PTPRJ: variants seen among roughly 807,000 people sequenced by gnomAD.
PTPRJ encodes the protein protein tyrosine phosphatase receptor type J.
In PTPRJ, 129 loss-of-function variants were observed where a neutral mutation model predicts 141.3. The observed-to-expected ratio is 0.91, with a 90% confidence interval of 0.79 to 1.06. The LOEUF (loss-of-function observed/expected upper bound fraction) is 1.06. Ranked by LOEUF, PTPRJ falls within the 50% of genes least tolerant of loss-of-function variation. The pLI is 0.00. For synonymous variants in PTPRJ, 610 were observed against 640.5 expected (o/e 0.95, Z 0.72); for missense variants, 1,601 against 1,679.7 (o/e 0.95, Z 0.82).
intron 6 of PTPRJ, 104 bp downstream of exon 6, chr11:48,125,290 T>G: frequency 7.6e-7 from 1 of 1,317,044 alleles, no homozygotes; most frequent in Non-Finnish European, 1.1e-6. Flanking sequence ...CAGCTAGTTT[T>G]GATGTCAGAG....
chr11:48,131,489 T>G, intron 8 of PTPRJ: 1 of 775,078 alleles, frequency 1.3e-6, no homozygotes, highest in African/African-American at 1.7e-5. Flanking sequence ...TATTCTTTCC[T>G]CTTAATAAAA....
intron 15 of PTPRJ, among the ~76,000 whole-genome samples, chr11:48,148,920 T>TG (rs546146095): frequency 5.3e-4 from 81 of 152,358 alleles, no homozygotes; most frequent in Admixed American, 1.0e-3. Flanking sequence ...AGGCAAGTGC[T>TG]GGGTCAGTGG....
chr11:48,157,284 C>T (rs1857636768), intron 21 of PTPRJ, among the ~76,000 whole-genome samples: 1 of 152,106 alleles, frequency 6.6e-6, no homozygotes, highest in African/African-American at 2.4e-5. Context: ...CCGCCCCTGG[C>T]CAATATTTTT....
intron 8 of PTPRJ, chr11:48,132,272 G>A: frequency 1.0e-6 from 1 of 984,988 alleles, no homozygotes; most frequent in African/African-American, 1.7e-5. Context: ...ACGGTGGCCT[G>A]CACCCATCGT....
At chr11:47,987,263 C>A (rs1854075995) in intron 1 of PTPRJ, among the ~76,000 whole-genome samples, 1 of 151,764 alleles carries the variant, frequency 6.6e-6, no homozygotes, top group Admixed American at 6.6e-5. Context: ...TAAAGAAAGA[C>A]CCCCAAAAGT....
At chr11:47,996,325 A>C (rs1854334932) in intron 1 of PTPRJ, among the ~76,000 whole-genome samples, 1 of 135,020 alleles carries the variant, frequency 7.4e-6, no homozygotes, top group African/African-American at 2.9e-5. Context: ...ACAGAGCGAG[A>C]CTCTGTCTCA....
Position 48,139,770 on chromosome 11 carries a change from A to G in PTPRJ, c.2437A>G (p.Ile813Val), listed in dbSNP as rs1857190750. ...APTRNTCTTG[I>V]TDPPPPDGSP... ...CACCCGGAACACCTGCACTACTGGCATCACAGGTGGGCTACAAGGCAGGGG... is the reference window on the plus strand; with the variant it reads ...CACCCGGAACACCTGCACTACTGGCGTCACAGGTGGGCTACAAGGCAGGGG... The change falls in exon 11 of 25, where the codon ATC becomes GTC. Residue 813 changes from isoleucine (I) to valine (V), a missense_variant. By Grantham distance (29) the Ile-to-Val change is conservative. Coordinates refer to ENST00000418331, the MANE Select transcript of PTPRJ (RefSeq NM_002843.4). 1 of 1,613,722 alleles carries G rather than the reference A, an allele frequency of 6.2e-7. No individual in the cohort carries two copies. The highest frequency in any genetic ancestry group is 1.7e-5 in the Admixed American group (1 of 60,006).
At chr11:48,005,218 T>C (rs1854591973) in intron 1 of PTPRJ, among the ~76,000 whole-genome samples, 1 of 150,922 alleles carries the variant, frequency 6.6e-6, no homozygotes, top group South Asian at 2.1e-4. Flanking sequence ...TGAGACTCTA[T>C]CTTAAAAAAA....
At position 48,168,556 on chromosome 11, in the gene PTPRJ, A is replaced by G. The variant is rs1340664323; in HGVS notation, c.*1194A>G. 1.7e-5 allele frequency: 2 copies of G among 116,166 alleles called. No homozygotes were observed. The highest frequency in any genetic ancestry group is 3.4e-5 in the African/African-American group (1 of 29,766). The allele number at this position is 116,166 out of a possible 1,614,324, so 7.2% of individuals were successfully genotyped here. Reference sequence around the variant, plus strand: ...TGTGTATATATATATATATATATATATATATATATATATATATATATATAT... The same window carrying G: ...TGTGTATATATATATATATATATATGTATATATATATATATATATATATAT... On this transcript the variant is annotated 3_prime_UTR_variant, in exon 25 of 25. Transcript: ENST00000418331.
chr11:48,004,054 T>C (rs1030299885), intron 1 of PTPRJ, among the ~76,000 whole-genome samples: 2 of 152,364 alleles, frequency 1.3e-5, no homozygotes. Flanking sequence ...AGCCTAGTTG[T>C]ATGCAACCTG....
intron 1 of PTPRJ, among the ~76,000 whole-genome samples, chr11:48,103,564 G>A (rs1013907004): frequency 6.6e-6 from 1 of 152,002 alleles, no homozygotes; most frequent in Non-Finnish European, 1.5e-5. Flanking sequence ...TTTAAAATTC[G>A]CTGGAAACTA....
rs572627125 is a variant in PTPRJ, at chr11:48,056,261, C to T, written c.97-53797C>T. On this transcript the variant is annotated intron_variant, in intron 1 of 24. Coordinates refer to ENST00000418331, the MANE Select transcript of PTPRJ (RefSeq NM_002843.4). ...ATTGCTTTACTTGATGCAGTAAATACGTTTCAGCCAGATAATCCATAAGAC... is the reference window on the plus strand; with the variant it reads ...ATTGCTTTACTTGATGCAGTAAATATGTTTCAGCCAGATAATCCATAAGAC... Among the ~76,000 whole-genome samples the T allele has an allele frequency of 9.2e-5, 14 of 152,266 alleles. No individual in the cohort carries two copies. The South Asian group carries it at 2.3e-3, about 25-fold the overall frequency.
At chr11:47,985,421 C>T (rs1291305436) in intron 1 of PTPRJ, among the ~76,000 whole-genome samples, 1 of 152,106 alleles carries the variant, frequency 6.6e-6, no homozygotes, top group Non-Finnish European at 1.5e-5. Context: ...GTTGGGATTA[C>T]AGGCATGAAC....
intron 1 of PTPRJ, among the ~76,000 whole-genome samples, chr11:48,059,109 CCTTTTT>C (rs1854843547): frequency 7.9e-6 from 1 of 125,932 alleles, no homozygotes; most frequent in African/African-American, 3.5e-5. Context: ...CTGTGCTGTG[CCTTTTT>C]TTTTTTTTTT....
chr11:48,149,487 A>C lies in PTPRJ; in HGVS notation c.3040A>C (p.Lys1014Gln), dbSNP rs1375040502. The C allele has an allele frequency of 5.4e-6, 8 of 1,494,112 alleles. No homozygotes were observed. The highest frequency in any genetic ancestry group is 1.9e-5 in the Admixed American group (1 of 54,000). The allele number at this position is 1,494,112 out of a possible 1,614,324, so 92.6% of individuals were successfully genotyped here. Residue 1014 changes from lysine to glutamine, a missense_variant and splice_region_variant, in exon 16 of 25, where the codon AAA (lysine) becomes CAA (glutamine). Lys to Gln is a moderately conservative substitution (Grantham distance 53). Coordinates refer to ENST00000418331, the MANE Select transcript of PTPRJ (RefSeq NM_002843.4). ...TAATGAAGTGTCCTTTTCTCAAATT[A>C]AGTAAGTCTCTCAAATTATGAGCTT... ...KNNEVSFSQI[K>Q]PKKSKLIRVE...
Position 48,040,612 on chromosome 11 carries a change from C to CT in PTPRJ, c.96+59620dup, listed in dbSNP as rs398055231. Among the ~76,000 whole-genome samples, 1,030 of 135,364 alleles carry CT rather than the reference C, an allele frequency of 7.6e-3. 12 individuals are homozygous for CT. Among genetic ancestry groups the CT allele is most frequent in the African/African-American group, 0.019 (650 of 34,412 alleles). The allele number at this position is 135,364 out of a possible 152,430, so 88.8% of individuals were successfully genotyped here. A position where few individuals can be genotyped will look rare whatever the true frequency, so the allele number is the denominator to read the frequency against. On this transcript the variant is annotated intron_variant, in intron 1 of 24. Transcript: ENST00000418331. ...TACTTTCTTTCTTCTTCTTCTTCTT[C>CT]TTTTTTTTTTTTTTTTGAGACGGAG...
intron 1 of PTPRJ, among the ~76,000 whole-genome samples, chr11:48,033,760 A>T (rs1854050966): frequency 6.6e-6 from 1 of 152,132 alleles, no homozygotes; most frequent in African/African-American, 2.4e-5. Flanking sequence ...ATGGCCCTTC[A>T]GGGGATTTGA....
chr11:48,062,071 A>ATT (rs915346609), intron 1 of PTPRJ, among the ~76,000 whole-genome samples: 2 of 141,874 alleles, frequency 1.4e-5, no homozygotes, highest in African/African-American at 2.6e-5. Flanking sequence ...TGCCTGGCTA[A>ATT]TTTTTTTTTT....
At position 48,123,750 on chromosome 11, in the gene PTPRJ, G is replaced by A. The variant is rs1454740027; in HGVS notation, c.754G>A (p.Asp252Asn). 1 of 1,613,956 alleles carries A rather than the reference G, an allele frequency of 6.2e-7. No homozygotes were observed. Among genetic ancestry groups the A allele is most frequent in the Non-Finnish European group, 8.5e-7 (1 of 1,180,028 alleles). The change falls in exon 5 of 25, where the codon GAC becomes AAC. Residue 252 changes from aspartate to asparagine, a missense_variant. Coordinates refer to ENST00000418331, the MANE Select transcript of PTPRJ (RefSeq NM_002843.4). ...SIGSHEELTQ[D>N]SRLQVNISGL... Reference sequence around the variant, plus strand: ...TGGAAGCCATGAGGAGTTGACTCAAGACTCAAGACTTCAGGTCAATATCTC... The same window carrying A: ...TGGAAGCCATGAGGAGTTGACTCAAAACTCAAGACTTCAGGTCAATATCTC...
Sources: gnomAD v4.1 joint callset for allele counts (sites outside exome capture counted in the v4.1 genomes callset) on GRCh38, gnomAD v4.1.1 for gene constraint, MANE v1.5 for transcripts, NCBI Gene and HGNC (gene_info 2026-07-23, HGNC 2026-07-21) for gene names.